SH2B3: variants seen among roughly 807,000 people sequenced by gnomAD.
The protein encoded by SH2B3 is SH2B adaptor protein 3.
In SH2B3, 43 loss-of-function variants were observed where a neutral mutation model predicts 51.9. That is an observed-to-expected ratio of 0.83 (90% CI 0.65 to 1.07). SH2B3 has a LOEUF of 1.07. Among genes scored for constraint, SH2B3 ranks in the 50% least tolerant of loss-of-function variants. The pLI, the probability that SH2B3 is intolerant of heterozygous loss-of-function variation, is 0.00. For missense variants in SH2B3, 952 were observed against 834.3 expected (o/e 1.14, Z -1.74); for synonymous variants, 396 against 376.0 (o/e 1.05, Z -0.62).
intron 2 of SH2B3, among the ~76,000 whole-genome samples, chr12:111,437,540 G>A (rs1032193174): frequency 6.6e-6 from 1 of 152,162 alleles, no homozygotes; most frequent in African/African-American, 2.4e-5. Flanking sequence ...CAAGGAGTGG[G>A]TTCCATTATC....
At chr12:111,434,462 T>C (rs1308719479) in intron 2 of SH2B3, among the ~76,000 whole-genome samples, 1 of 152,228 alleles carries the variant, frequency 6.6e-6, no homozygotes, top group East Asian at 1.9e-4. Context: ...CTTGCCTTTT[T>C]CTTGATTTGT....
chr12:111,418,064 A>G lies in SH2B3; in HGVS notation c.-27-55A>G. Reference sequence around the variant, plus strand: ...GTGCCCGGTGTGTAATGGGGCCTACACCTGCTTGCCCACCTGCTTACTCCT... The same window carrying G: ...GTGCCCGGTGTGTAATGGGGCCTACGCCTGCTTGCCCACCTGCTTACTCCT... On this transcript the variant is annotated intron_variant, in intron 1 of 7. Coordinates refer to ENST00000341259, the MANE Select transcript of SH2B3 (RefSeq NM_005475.3). The surrounding 1 kb of genome is among the most constrained non-coding windows in gnomAD (Gnocchi z 6.7). 1 of 1,362,754 alleles carries G rather than the reference A, an allele frequency of 7.3e-7. No individual in the cohort carries two copies. 84.4% of individuals were successfully genotyped at this position (1,362,754 alleles called of 1,614,324 possible). A position where few individuals can be genotyped will look rare whatever the true frequency, so the allele number is the denominator to read the frequency against.
intron 2 of SH2B3, among the ~76,000 whole-genome samples, chr12:111,437,718 G>A (rs1873008607): frequency 6.6e-6 from 1 of 152,202 alleles, no homozygotes; most frequent in African/African-American, 2.4e-5. Flanking sequence ...TTCAGTCGCT[G>A]GAACTGGCTC....
chr12:111,421,287 C>T (rs1871532424), intron 2 of SH2B3, among the ~76,000 whole-genome samples: 1 of 152,026 alleles, frequency 6.6e-6, no homozygotes, highest in South Asian at 2.1e-4. Flanking sequence ...GGATCACCGT[C>T]ACGTGCCACC....
chr12:111,416,723 A>G (rs1196112968), intron 1 of SH2B3, among the ~76,000 whole-genome samples: 1 of 151,670 alleles, frequency 6.6e-6, no homozygotes, highest in Non-Finnish European at 1.5e-5. Context: ...CTAACTCCTG[A>G]CCTCAAGTAA....
In SH2B3 at chr12:111,406,236, C is replaced by G. The variant is rs1870235467; in HGVS notation, c.-69C>G. 1 of 151,906 alleles carries G rather than the reference C, an allele frequency of 6.6e-6. No homozygotes were observed. The highest frequency in any genetic ancestry group is 2.1e-4 in the South Asian group (1 of 4,830). The allele number at this position is 151,906 out of a possible 1,614,324, so 9.4% of individuals were successfully genotyped here. A position where few individuals can be genotyped will look rare whatever the true frequency, so the allele number is the denominator to read the frequency against. ...GGGATTTCGAGGGCCCGGGGGCGCG[C>G]GACGCCATGGGCCGGCCGGGCCCAG... On this transcript the variant is annotated 5_prime_UTR_variant, in exon 1 of 8. Coordinates refer to ENST00000341259, the MANE Select transcript of SH2B3 (RefSeq NM_005475.3). This position sits in a 1 kb window ranked among gnomAD's most constrained non-coding sequence, Gnocchi z 5.7.
intron 1 of SH2B3, among the ~76,000 whole-genome samples, chr12:111,412,712 G>A (rs1302295825): frequency 2.0e-5 from 3 of 152,128 alleles, no homozygotes; most frequent in African/African-American, 4.8e-5. Context: ...TGGGACTACA[G>A]GCCCAGCCAC....
rs1234236704 is a variant in SH2B3, at chr12:111,435,688, A to G, written c.733-11065A>G. On this transcript the variant is annotated intron_variant, in intron 2 of 7. Coordinates refer to ENST00000341259, the MANE Select transcript of SH2B3 (RefSeq NM_005475.3). The surrounding 1 kb of genome is among the most constrained non-coding windows in gnomAD (Gnocchi z 4.8). ...AGCCAGGCTTGCCCCCTCCCTGCCA[A>G]GGGAGCTGCTTGCTCTCCCTTCTGT... Among the ~76,000 whole-genome samples, 2 of 152,144 alleles carry G rather than the reference A, an allele frequency of 1.3e-5. No individual in the cohort carries two copies. The highest frequency in any genetic ancestry group is 2.9e-5 in the Non-Finnish European group (2 of 68,022).
intron 2 of SH2B3, among the ~76,000 whole-genome samples, chr12:111,421,401 CTTTTTTTTTTTTT>C (rs550860498): frequency 5.5e-5 from 5 of 90,618 alleles, no homozygotes; most frequent in African/African-American, 2.1e-4. Flanking sequence ...TAGTGTCTTC[CTTTTTTTTTTTTT>C]TTTTTTTTTT....
In SH2B3 at chr12:111,407,304, C is replaced by CCGGCAAGGCAATGT. The variant is rs1213293474; in HGVS notation, c.-28+1037_-28+1050dup. Among the ~76,000 whole-genome samples the CCGGCAAGGCAATGT allele has an allele frequency of 6.6e-6, 1 of 152,070 alleles. No homozygotes were observed. Among genetic ancestry groups the CCGGCAAGGCAATGT allele is most frequent in the Non-Finnish European group, 1.5e-5 (1 of 68,014 alleles). On this transcript the variant is annotated intron_variant, in intron 1 of 7. Coordinates refer to ENST00000341259, the MANE Select transcript of SH2B3 (RefSeq NM_005475.3). This position sits in a 1 kb window ranked among gnomAD's most constrained non-coding sequence, Gnocchi z 4.3. ...TGGTGGGGGGTTCAGAGCAGAGGCC[C>CCGGCAAGGCAATGT]CGGCAAGGCAATGTCGGCAAGGCCA...
chr12:111,423,684 T>G (rs2135557569), intron 2 of SH2B3, among the ~76,000 whole-genome samples: 1 of 152,266 alleles, frequency 6.6e-6, no homozygotes, highest in African/African-American at 2.4e-5. Flanking sequence ...TTCTTAACTT[T>G]GAAAAACAAC....
In SH2B3 at chr12:111,407,870, A is replaced by G. The variant is rs1029632344; in HGVS notation, c.-28+1593A>G. On this transcript the variant is annotated intron_variant, in intron 1 of 7. Coordinates refer to ENST00000341259, the MANE Select transcript of SH2B3 (RefSeq NM_005475.3). The surrounding 1 kb of genome is among the most constrained non-coding windows in gnomAD (Gnocchi z 4.3). The stretch of plus-strand genomic sequence containing the variant: ...CTGGAGACTGTGCTTTGCTACTCCT[A>G]TTGCCTTCGTTCAGCTGAAGGCGTG... 2.0e-5 allele frequency among the ~76,000 whole-genome samples: 3 copies of G among 152,062 alleles called. No individual in the cohort carries two copies. The highest frequency in any genetic ancestry group is 7.2e-5 in the African/African-American group (3 of 41,396).
At chr12:111,428,192 C>T (rs903113262) in intron 2 of SH2B3, among the ~76,000 whole-genome samples, 1 of 152,250 alleles carries the variant, frequency 6.6e-6, no homozygotes, top group African/African-American at 2.4e-5. Context: ...CTGGCCAGCG[C>T]CCCTCACCTG....
intron 2 of SH2B3, among the ~76,000 whole-genome samples, chr12:111,440,104 G>C (rs899784584): frequency 2.0e-5 from 3 of 152,214 alleles, no homozygotes; most frequent in Non-Finnish European, 4.4e-5. Context: ...GTGGGTTTCA[G>C]ATCCACCCAG....
chr12:111,432,632 A>C (rs1593057260), intron 2 of SH2B3, among the ~76,000 whole-genome samples: 2 of 152,206 alleles, frequency 1.3e-5, no homozygotes, highest in East Asian at 3.9e-4. Flanking sequence ...TTCGTCATCA[A>C]AAAAGGAAAC....
chr12:111,435,538 T>C lies in SH2B3; in HGVS notation c.733-11215T>C, dbSNP rs767809137. On this transcript the variant is annotated intron_variant, in intron 2 of 7. Transcript: ENST00000341259. This position sits in a 1 kb window ranked among gnomAD's most constrained non-coding sequence, Gnocchi z 4.8. ...CACGCCTGGCTAATTTTTGAATTTT[T>C]AGTAGAGGCAGGGTTTCACCATGTT... Among the ~76,000 whole-genome samples the C allele has an allele frequency of 5.9e-5, 9 of 152,194 alleles. No homozygotes were observed. The highest frequency in any genetic ancestry group is 1.5e-5 in the Non-Finnish European group (1 of 68,020).
chr12:111,420,662 T>C (rs2135552698), intron 2 of SH2B3, among the ~76,000 whole-genome samples: 1 of 152,322 alleles, frequency 6.6e-6, no homozygotes, highest in Non-Finnish European at 1.5e-5. Context: ...TCGACAGATA[T>C]TTATGGAGCA....
chr12:111,434,864 A>C, intron 2 of SH2B3: 1 of 1,535,146 alleles, frequency 6.5e-7, no homozygotes, highest in Non-Finnish European at 8.7e-7. Flanking sequence ...CTAAAATGAT[A>C]GTAATGAGAG....
At chr12:111,413,405 A>C (rs1456819979) in intron 1 of SH2B3, among the ~76,000 whole-genome samples, 1 of 152,236 alleles carries the variant, frequency 6.6e-6, no homozygotes, top group Non-Finnish European at 1.5e-5. Flanking sequence ...GTCTCTAAAA[A>C]GAGAAAGAAA....
Sources: allele counts gnomAD v4.1 joint callset (sites outside exome capture counted in the v4.1 genomes callset), GRCh38; gene constraint gnomAD v4.1.1; non-coding constraint Gnocchi (gnomAD v3.1); transcripts MANE v1.5; gene names NCBI Gene and HGNC (gene_info 2026-07-23, HGNC 2026-07-21).